BAIAP2: variants seen among roughly 807,000 people sequenced by gnomAD.
BAIAP2 encodes the protein BAR/IMD domain containing adaptor protein 2, also known as BAR/IMD domain-containing adapter protein 2.
A neutral mutation model predicts 63.0 loss-of-function variants in BAIAP2; 18 were observed. The ratio of observed to expected loss-of-function variants is 0.29; its 90% CI spans 0.20 to 0.42. BAIAP2 has a LOEUF of 0.42. Ranked by LOEUF, BAIAP2 falls within the 10% of genes least tolerant of loss-of-function variation. The pLI is 1.00. For missense variants in BAIAP2, 610 were observed against 734.3 expected, an observed-to-expected ratio of 0.83 and a Z score of 1.96; for synonymous variants, 386 against 307.6, an observed-to-expected ratio of 1.25 and a Z score of -2.67.
At chr17:81,073,253 A>G (rs759959011) in intron 3 of BAIAP2, among the ~76,000 whole-genome samples, 2 of 152,086 alleles carry the variant, frequency 1.3e-5, no homozygotes, top group Non-Finnish European at 2.9e-5. Flanking sequence ...CTTCCTGTGC[A>G]GTCTCTTGGT....
At chr17:81,055,072 G>T (rs1216037077) in intron 2 of BAIAP2, among the ~76,000 whole-genome samples, 12 of 152,074 alleles carry the variant, frequency 7.9e-5, no homozygotes, top group Admixed American at 7.9e-4. Context: ...CTCTGCCGGC[G>T]CCCCCGGCTC....
chr17:81,111,082 C>A (rs1363767287), intron 13 of BAIAP2: 1 of 1,165,444 alleles, frequency 8.6e-7, no homozygotes, highest in African/African-American at 1.5e-5. Context: ...CAGGGGTCCA[C>A]TGAGCCTGCC....
chr17:81,043,853 G>T (rs2047425579), intron 1 of BAIAP2, among the ~76,000 whole-genome samples: 1 of 152,262 alleles, frequency 6.6e-6, no homozygotes, highest in African/African-American at 2.4e-5. Context: ...TTCCGTTCGG[G>T]AGTTCGAGGA....
At position 81,106,800 on chromosome 17, in the gene BAIAP2, G is replaced by A. The variant is rs2059236656; in HGVS notation, c.1393G>A (p.Ala465Thr). 1 of 1,612,378 alleles carries A rather than the reference G, an allele frequency of 6.2e-7. No individual in the cohort carries two copies. Among genetic ancestry groups the A allele is most frequent in the Non-Finnish European group, 8.5e-7 (1 of 1,179,762 alleles). The change falls in exon 12 of 14, where the codon GCC becomes ACC. Residue 465 changes from alanine (A) to threonine (T), a missense_variant. Around this residue, in one of 5 missense-constraint regions of BAIAP2, gnomAD observed 11 missense variants for 25.2 expected, o/e 0.44. Coordinates refer to ENST00000428708, the MANE Select transcript of BAIAP2 (RefSeq NM_001144888.2). Reference sequence around the variant, plus strand: ...CAACCTCCTGGACAAGGACGACCTGGCCATCCCACCCCCCGATTACGGCGC... The same window carrying A: ...CAACCTCCTGGACAAGGACGACCTGACCATCCCACCCCCCGATTACGGCGC... ...TGNLLDKDDL[A>T]IPPPDYGAAS... is the part of the protein sequence containing the mutation.
chr17:81,115,381 C>A (rs943785777), intron 13 of BAIAP2, among the ~76,000 whole-genome samples: 1 of 152,236 alleles, frequency 6.6e-6, no homozygotes, highest in South Asian at 2.1e-4. Context: ...GGGGAGCCAC[C>A]AAACTGGTGT....
chr17:81,038,900 TGGG>T (rs886695516), intron 1 of BAIAP2, among the ~76,000 whole-genome samples: 5 of 7,872 alleles, frequency 6.4e-4, no homozygotes, highest in South Asian at 0.033. Flanking sequence ...CCTTCCTGGG[TGGG>T]GGGGGCAGCA....
At chr17:81,085,977 G>A (rs1219807222) in intron 5 of BAIAP2, among the ~76,000 whole-genome samples, 2 of 152,260 alleles carry the variant, frequency 1.3e-5, no homozygotes. Flanking sequence ...GGCCACTTGC[G>A]GTGAAGCTGG....
At chr17:81,107,060 G>A in intron 12 of BAIAP2, 153 bp downstream of exon 12, 1 of 943,608 alleles carries the variant, frequency 1.1e-6, no homozygotes, top group South Asian at 1.8e-5. Flanking sequence ...ATTTGGGAAT[G>A]TGTACACACC....
At chr17:81,085,342 C>A in intron 4 of BAIAP2, 1 of 562,242 alleles carries the variant, frequency 1.8e-6, no homozygotes, top group Non-Finnish European at 3.3e-6. Context: ...GCCCTGCGAC[C>A]TCTCAGCCTG....
intron 3 of BAIAP2, 75 bp from the exon 4 acceptor site, chr17:81,084,757 A>G: frequency 6.7e-7 from 1 of 1,484,594 alleles, no homozygotes; most frequent in South Asian, 1.1e-5. Flanking sequence ...GGTGGCTGTC[A>G]GCCCAGAGTG....
In BAIAP2 at chr17:81,106,748, G is replaced by A. The variant is rs775081495; in HGVS notation, c.1341G>A (p.Leu447=). Reference sequence around the variant, plus strand: ...CTCTGAGTCCCTGTCCCTACAGCCTGCAGCAAGGGAAGAGCAGCAGCACGG... The same window carrying A: ...CTCTGAGTCCCTGTCCCTACAGCCTACAGCAAGGGAAGAGCAGCAGCACGG... The part of the protein sequence containing the change: ...SDGSDRLHMS[L]QQGKSSSTGN... Residue 447 remains leucine (L), a synonymous_variant, in exon 12 of 14, where the codon CTG becomes CTA. Coordinates refer to ENST00000428708, the MANE Select transcript of BAIAP2 (RefSeq NM_001144888.2). 1 of 1,612,616 alleles carries A rather than the reference G, an allele frequency of 6.2e-7. No homozygotes were observed. Among genetic ancestry groups the A allele is most frequent in the East Asian group, 2.2e-5 (1 of 44,884 alleles).
At position 81,106,846 on chromosome 17, in the gene BAIAP2, C is replaced by T. The variant is rs758173810; in HGVS notation, c.1439C>T (p.Ala480Val). 2 of 1,609,310 alleles carry T rather than the reference C, an allele frequency of 1.2e-6. No individual in the cohort carries two copies. Among genetic ancestry groups the T allele is most frequent in the East Asian group, 2.2e-5 (1 of 44,870 alleles). Residue 480 changes from alanine (A) to valine (V), a missense_variant, in exon 12 of 14, where the codon GCC (alanine) becomes GTC (valine). By Grantham distance (64) the Ala-to-Val change is moderately conservative. Around this residue, in one of 5 missense-constraint regions of BAIAP2, gnomAD observed 114 missense variants for 98.2 expected, o/e 1.16. Transcript: ENST00000428708. ...DYGAASRAFP[A>V]QTASGFKQRP... ...GGCGCCGCCTCCCGGGCCTTCCCCG[C>T]CCAGACGGCCAGCGGCTTCAAGCAG... is the stretch of plus-strand genomic sequence containing the variant.
At chr17:81,038,002 C>T (rs768413590) in intron 1 of BAIAP2, among the ~76,000 whole-genome samples, 35 of 152,234 alleles carry the variant, frequency 2.3e-4, no homozygotes, top group Admixed American at 3.9e-4. Context: ...GGGAGTGGAA[C>T]GGCTTCCCGG....
At chr17:81,115,748 A>G in intron 13 of BAIAP2, 22 bp from the exon 14 acceptor site, 1 of 1,613,480 alleles carries the variant, frequency 6.2e-7, no homozygotes, top group South Asian at 1.1e-5. Context: ...CTAAAAATTA[A>G]AACCACGTTT....
intron 7 of BAIAP2, 45 bp downstream of exon 7, chr17:81,100,125 G>A (rs770213164): frequency 1.3e-6 from 2 of 1,572,860 alleles, no homozygotes; most frequent in Non-Finnish European, 1.7e-6. Context: ...GGGCCTTGCT[G>A]GCAGAAATGA....
chr17:81,069,333 C>T (rs888119149), intron 3 of BAIAP2, among the ~76,000 whole-genome samples: 1 of 152,208 alleles, frequency 6.6e-6, no homozygotes, highest in African/African-American at 2.4e-5. Context: ...CGCACGCGGG[C>T]ACAGATAGTC....
intron 1 of BAIAP2, among the ~76,000 whole-genome samples, chr17:81,039,339 G>A (rs1477150527): frequency 6.6e-6 from 1 of 152,250 alleles, no homozygotes; most frequent in African/African-American, 2.4e-5. Context: ...CCTTCTGCTG[G>A]TGCTTGCTCA....
chr17:81,114,136 A>ATTTT (rs58461450), intron 13 of BAIAP2, among the ~76,000 whole-genome samples: 1 of 124,664 alleles, frequency 8.0e-6, no homozygotes, highest in Non-Finnish European at 1.6e-5. Context: ...CACCTGCCTA[A>ATTTT]TTTTTTTTTT....
In BAIAP2 at chr17:81,116,053, C is replaced by G. The variant is rs970918459; in HGVS notation, c.*214C>G. 5 of 1,461,730 alleles carry G rather than the reference C, an allele frequency of 3.4e-6. No homozygotes were observed. The highest frequency in any genetic ancestry group is 2.5e-5 in the Admixed American group (1 of 40,350). The allele number at this position is 1,461,730 out of a possible 1,614,324, so 90.5% of individuals were successfully genotyped here. ...GCCCCTGAAGGGCGAGACCCAGTGG[C>G]TGGGCTGCCCAGGGCTGAGGGGCCG... On this transcript the variant is annotated 3_prime_UTR_variant, in exon 14 of 14. Coordinates refer to ENST00000428708, the MANE Select transcript of BAIAP2 (RefSeq NM_001144888.2).
Sources: gnomAD v4.1 joint callset for allele counts (sites outside exome capture counted in the v4.1 genomes callset) on GRCh38, gnomAD v4.1.1 for gene constraint, gnomAD v4.1.1 regional missense constraint, MANE v1.5 for transcripts, NCBI Gene and HGNC (gene_info 2026-07-23, HGNC 2026-07-21) for gene names.